Variants in MTUS2 observed in about 807,000 individuals in gnomAD.
MTUS2 encodes the protein microtubule-associated tumor suppressor candidate 2.
Under a neutral mutation model 114.1 loss-of-function variants are expected in MTUS2, and 40 were observed. The ratio of observed to expected loss-of-function variants is 0.35; its 90% CI spans 0.27 to 0.46. MTUS2 has a LOEUF of 0.46. Among genes scored for constraint, MTUS2 ranks in the 20% least tolerant of loss-of-function variants. MTUS2 has a pLI of 1.00. For synonymous variants in MTUS2, 688 were observed against 672.0 expected (o/e 1.02, Z -0.37); for missense variants, 1,679 against 1,705.4 (o/e 0.98, Z 0.27).
At chr13:29,250,503 C>T (rs1254036457) in intron 5 of MTUS2, 2 of 150,772 alleles carry the variant, frequency 1.3e-5, no homozygotes, top group Non-Finnish European at 2.9e-5. Flanking sequence ...GAATTTGCAT[C>T]CGAGATCATC....
chr13:29,148,254 G>C (rs1892518042), intron 5 of MTUS2, among the ~76,000 whole-genome samples: 1 of 150,902 alleles, frequency 6.6e-6, no homozygotes, highest in African/African-American at 2.4e-5. Flanking sequence ...TACATGTGTA[G>C]GATGTGCAGG....
intron 2 of MTUS2, among the ~76,000 whole-genome samples, chr13:28,985,888 T>A (rs1884563405): frequency 6.6e-6 from 1 of 152,194 alleles, no homozygotes. Flanking sequence ...GGACTCCAAC[T>A]GCAGCATTAG....
At chr13:28,950,401 C>T (rs536224373) in intron 2 of MTUS2, among the ~76,000 whole-genome samples, 28 of 152,234 alleles carry the variant, frequency 1.8e-4, no homozygotes, top group African/African-American at 6.3e-4. Flanking sequence ...AATAGGTTAC[C>T]GTTTCACTAT....
chr13:29,004,964 G>T (rs541986821), intron 2 of MTUS2, among the ~76,000 whole-genome samples: 100 of 152,282 alleles, frequency 6.6e-4, no homozygotes, highest in African/African-American at 2.4e-3. Flanking sequence ...TGATGAGCAG[G>T]TTCTGCAGAG....
chr13:29,501,017 A>G, intron 14 of MTUS2, 80 bp from the exon 15 acceptor site: 3 of 1,068,388 alleles, frequency 2.8e-6, no homozygotes, highest in Non-Finnish European at 4.3e-6. Context: ...ATAATCCTCC[A>G]ATGCCCAGAG....
intron 2 of MTUS2, among the ~76,000 whole-genome samples, chr13:28,911,593 A>G (rs1880435656): frequency 2.6e-5 from 4 of 151,940 alleles, no homozygotes; most frequent in South Asian, 2.1e-4. Context: ...GTCTTCCACA[A>G]TGGTTGAACT....
chr13:29,422,565 G>C (rs183257182), intron 8 of MTUS2, among the ~76,000 whole-genome samples: 42 of 150,740 alleles, frequency 2.8e-4, no homozygotes, highest in African/African-American at 9.7e-4. Context: ...TATGCCAGGA[G>C]TAAAAATCAC....
chr13:29,428,949 A>G (rs1363474927), intron 8 of MTUS2: 1 of 1,595,658 alleles, frequency 6.3e-7, no homozygotes, highest in Non-Finnish European at 8.6e-7. Context: ...AAGGGCAGAG[A>G]GAAAGCCGTG....
chr13:29,052,311 G>A (rs965253470), intron 4 of MTUS2, among the ~76,000 whole-genome samples: 22 of 151,856 alleles, frequency 1.4e-4, no homozygotes, highest in Admixed American at 1.3e-3. Context: ...GCAAAAACCC[G>A]TCTCTCTGAA....
rs182186012 is a variant in MTUS2, at chr13:29,273,933, C to T, written c.2645-7771C>T. Among the ~76,000 whole-genome samples the T allele has an allele frequency of 2.3e-3, 351 of 152,102 alleles. 2 individuals are homozygous for T. The highest frequency in any genetic ancestry group is 2.4e-3 in the Non-Finnish European group (166 of 67,970). ...TATTCATTCATCAGTCGATGGGGGG[C>T]CATTTGGGTAGTTTTCACTTTTTGA... On this transcript the variant is annotated intron_variant, in intron 5 of 15. Coordinates refer to ENST00000612955, the MANE Select transcript of MTUS2 (RefSeq NM_001033602.4).
At chr13:28,973,646 C>A (rs1253665255) in intron 2 of MTUS2, among the ~76,000 whole-genome samples, 1 of 152,190 alleles carries the variant, frequency 6.6e-6, no homozygotes, top group African/African-American at 2.4e-5. Flanking sequence ...TTGCTTTTCC[C>A]TATTGCTGGT....
At chr13:28,820,102 T>C (rs1873780776), upstream of MTUS2, among the ~76,000 whole-genome samples, 1 of 146,554 alleles carries the variant, frequency 6.8e-6, no homozygotes, top group South Asian at 2.1e-4. Flanking sequence ...CGTGGCGCGC[T>C]GCGAAGGTTG....
chr13:28,827,895 C>T (rs992159955), intron 1 of MTUS2, among the ~76,000 whole-genome samples: 8 of 152,026 alleles, frequency 5.3e-5, no homozygotes, highest in East Asian at 1.9e-4. Flanking sequence ...ATCACAGGAC[C>T]GGGGTGAAAT....
intron 5 of MTUS2, among the ~76,000 whole-genome samples, chr13:29,185,824 T>C (rs1191519325): frequency 6.6e-6 from 1 of 152,030 alleles, no homozygotes; most frequent in Non-Finnish European, 1.5e-5. Context: ...CTAGAAGATA[T>C]CTAACACAAA....
chr13:29,367,565 G>A (rs937982023), intron 8 of MTUS2, among the ~76,000 whole-genome samples: 6 of 152,086 alleles, frequency 3.9e-5, no homozygotes, highest in Admixed American at 1.3e-4. Context: ...GCACATCTCT[G>A]CCAGTGGAAT....
chr13:28,907,029 G>A lies in MTUS2; in HGVS notation c.-243+67179G>A, dbSNP rs939702222. Among the ~76,000 whole-genome samples the A allele has an allele frequency of 2.2e-4, 33 of 151,718 alleles. 1 individual carries two copies. Among genetic ancestry groups the A allele is most frequent in the African/African-American group, 7.3e-4 (30 of 41,204 alleles). On this transcript the variant is annotated intron_variant, in intron 2 of 15. Coordinates refer to ENST00000612955, the MANE Select transcript of MTUS2 (RefSeq NM_001033602.4). ...AAGGTCGGGTTACCCACAAAGGGAA[G>A]CCCATCAGGCTAACAGCAGATCTCT... is the stretch of plus-strand genomic sequence containing the variant.
intron 2 of MTUS2, among the ~76,000 whole-genome samples, chr13:28,971,745 A>G (rs75495587): frequency 0.032 from 4,910 of 151,748 alleles, 130 homozygotes; most frequent in Non-Finnish European, 0.051. Flanking sequence ...TCATATAAAC[A>G]TGTGAGAAAG....
chr13:29,154,686 GCAT>G, intron 5 of MTUS2, among the ~76,000 whole-genome samples: 1 of 152,290 alleles, frequency 6.6e-6, no homozygotes, highest in East Asian at 1.9e-4. Flanking sequence ...ACAATGTGCT[GCAT>G]CTTTTGCTTA....
intron 2 of MTUS2, among the ~76,000 whole-genome samples, chr13:28,844,428 C>T (rs565601192): frequency 6.7e-6 from 1 of 148,864 alleles, no homozygotes; most frequent in East Asian, 2.0e-4. Flanking sequence ...CGCATGTGTG[C>T]GTGTGTGTGT....
Sources: gnomAD v4.1 joint callset for allele counts (sites outside exome capture counted in the v4.1 genomes callset) on GRCh38, gnomAD v4.1.1 for gene constraint, MANE v1.5 for transcripts, NCBI Gene and HGNC (gene_info 2026-07-23, HGNC 2026-07-21) for gene names.